The following DOCK3 variants were observed in gnomAD, a reference collection of about 807,000 sequenced individuals.
The protein encoded by DOCK3 is dedicator of cytokinesis 3.
In DOCK3, 60 loss-of-function variants were observed where a neutral mutation model predicts 265.6. The observed-to-expected ratio is 0.23, with a 90% CI of 0.18 to 0.28. The LOEUF is 0.28. DOCK3 is among the 10% of genes least tolerant of loss of function. The pLI is 1.00. For synonymous variants in DOCK3, 881 were observed against 938.0 expected (o/e 0.94, Z 1.11); for missense variants, 1,981 against 2,594.3 (o/e 0.76, Z 5.14).
At position 51,090,317 on chromosome 3, in the gene DOCK3, A is replaced by C. The variant is rs763850124; in HGVS notation, c.679A>C (p.Asn227His). The change falls in exon 9 of 53, where the codon AAT (asparagine) becomes CAT (histidine). Residue 227 changes from asparagine to histidine, a missense_variant. By Grantham distance (68) the Asn-to-His change is moderately conservative. Transcript: ENST00000266037. The part of the protein sequence containing the change: ...FFLSLKSFTY[N>H]TIGEDTDVFF... ...CCTCAGCCTGAAGAGTTTCACTTAC[A>C]ATACTATTGGGGAAGATACCGATGT... The C allele has an allele frequency of 7.5e-6, 12 of 1,604,074 alleles. No individual in the cohort carries two copies. In the Admixed American group the frequency reaches 1.4e-4, roughly 18 times the overall value.
intron 5 of DOCK3, among the ~76,000 whole-genome samples, chr3:50,959,444 T>C (rs1020339819): frequency 4.6e-5 from 7 of 152,000 alleles, no homozygotes; most frequent in African/African-American, 1.4e-4. Flanking sequence ...TCTACACTTA[T>C]TCTCCCTGTA....
intron 5 of DOCK3, among the ~76,000 whole-genome samples, chr3:50,996,911 A>G (rs1192071464): frequency 1.3e-5 from 2 of 152,184 alleles, no homozygotes; most frequent in African/African-American, 2.4e-5. Context: ...TTGCTGAAGT[A>G]CTAACCTGTT....
intron 3 of DOCK3, among the ~76,000 whole-genome samples, chr3:50,889,143 C>CTGGA (rs533461514): frequency 1.3e-5 from 2 of 149,102 alleles, no homozygotes; most frequent in African/African-American, 4.9e-5. Flanking sequence ...GTCATATAGG[C>CTGGA]TGGAGTATAG....
At chr3:50,940,431 C>T (rs144881444) in intron 5 of DOCK3, among the ~76,000 whole-genome samples, 4 of 152,136 alleles carry the variant, frequency 2.6e-5, no homozygotes, top group South Asian at 2.1e-4. Flanking sequence ...AGTATGCTCA[C>T]GGATTAGAAA....
intron 25 of DOCK3, chr3:51,276,260 T>C (rs1284272949): frequency 1.7e-6 from 1 of 586,320 alleles, no homozygotes; most frequent in Non-Finnish European, 2.1e-6. Context: ...GGCCCTATTA[T>C]TTGATCTTGG....
intron 9 of DOCK3, among the ~76,000 whole-genome samples, chr3:51,115,956 A>G (rs1188451918): frequency 6.6e-6 from 1 of 151,890 alleles, no homozygotes; most frequent in African/African-American, 2.4e-5. Context: ...ATGGTTGTAG[A>G]TGTGTGGTGT....
chr3:51,248,563 C>G (rs1287000202), intron 22 of DOCK3, among the ~76,000 whole-genome samples: 1 of 152,128 alleles, frequency 6.6e-6, no homozygotes, highest in Non-Finnish European at 1.5e-5. Flanking sequence ...CTCCCAGCCG[C>G]CTGCCTTGGC....
intron 4 of DOCK3, among the ~76,000 whole-genome samples, chr3:50,922,243 G>C (rs1055591244): frequency 6.6e-6 from 1 of 152,216 alleles, no homozygotes; most frequent in Admixed American, 6.5e-5. Flanking sequence ...ATCTACTCAA[G>C]CCTCAGCAAT....
chr3:50,978,746 C>G (rs1339342632), intron 5 of DOCK3, among the ~76,000 whole-genome samples: 3 of 152,276 alleles, frequency 2.0e-5, no homozygotes, highest in East Asian at 1.9e-4. Context: ...CCCCCAGCCT[C>G]GCTGCCGCCT....
At chr3:51,212,595 G>T (rs961096321) in intron 13 of DOCK3, among the ~76,000 whole-genome samples, 4 of 152,134 alleles carry the variant, frequency 2.6e-5, no homozygotes, top group Admixed American at 2.0e-4. Context: ...CAACAAAGAT[G>T]AATAAGTTAG....
intron 5 of DOCK3, among the ~76,000 whole-genome samples, chr3:51,007,649 C>A (rs2078738933): frequency 6.6e-6 from 1 of 152,056 alleles, no homozygotes; most frequent in Admixed American, 6.5e-5. Flanking sequence ...TCAATTTTGG[C>A]TTTTGTTGCC....
At chr3:51,114,181 A>G (rs142820920) in intron 9 of DOCK3, among the ~76,000 whole-genome samples, 1 of 152,312 alleles carries the variant, frequency 6.6e-6, no homozygotes, top group East Asian at 1.9e-4. Context: ...AGATTTAGAT[A>G]TTAGCAATCA....
intron 23 of DOCK3, among the ~76,000 whole-genome samples, chr3:51,267,202 G>A (rs1032432176): frequency 1.6e-4 from 25 of 152,112 alleles, no homozygotes; most frequent in African/African-American, 6.0e-4. Context: ...AAATAGGAAT[G>A]CTTTTACACT....
chr3:51,136,771 G>A (rs1354789839), intron 9 of DOCK3, among the ~76,000 whole-genome samples: 1 of 152,140 alleles, frequency 6.6e-6, no homozygotes, highest in African/African-American at 2.4e-5. Flanking sequence ...TTACAAAAAT[G>A]TTACTTGGAG....
At chr3:50,756,481 A>G (rs559968999) in intron 1 of DOCK3, among the ~76,000 whole-genome samples, 2 of 151,660 alleles carry the variant, frequency 1.3e-5, no homozygotes. Context: ...CAAAACATAC[A>G]TTTTTTTTGT....
intron 51 of DOCK3, among the ~76,000 whole-genome samples, chr3:51,378,381 G>A (rs1340816350): frequency 6.6e-6 from 1 of 152,152 alleles, no homozygotes; most frequent in Non-Finnish European, 1.5e-5. Context: ...AGCCCCTCTG[G>A]CCACATCCTT....
intron 5 of DOCK3, among the ~76,000 whole-genome samples, chr3:51,028,177 C>CT (rs1190377005): frequency 6.6e-6 from 1 of 152,050 alleles, no homozygotes; most frequent in Admixed American, 6.6e-5. Context: ...TGTATTTCTC[C>CT]TATGAAGCTT....
intron 12 of DOCK3, among the ~76,000 whole-genome samples, chr3:51,166,075 A>G (rs1302798242): frequency 2.1e-5 from 3 of 145,696 alleles, no homozygotes; most frequent in Non-Finnish European, 4.5e-5. Flanking sequence ...TTTGAGACAG[A>G]GTCTCACACT....
intron 6 of DOCK3, among the ~76,000 whole-genome samples, chr3:51,065,498 C>G (rs2081559591): frequency 6.6e-6 from 1 of 152,088 alleles, no homozygotes; most frequent in South Asian, 2.1e-4. Context: ...CCCACAGCTC[C>G]CAGAATCATA....
Sources: gnomAD v4.1 joint callset for allele counts (sites outside exome capture counted in the v4.1 genomes callset) on GRCh38, gnomAD v4.1.1 for gene constraint, MANE v1.5 for transcripts, NCBI Gene and HGNC (gene_info 2026-07-23, HGNC 2026-07-21) for gene names.